DNAJC16: variants seen among roughly 807,000 people sequenced by gnomAD.
DNAJC16 encodes the protein DnaJ heat shock protein family (Hsp40) member C16, also known as dnaJ homolog subfamily C member 16.
DNAJC16 carries 76 observed loss-of-function variants against 92.7 expected under a neutral mutation model. The observed-to-expected ratio is 0.82, with a 90% CI of 0.68 to 0.99. The LOEUF is 0.99. Among genes scored for constraint, DNAJC16 ranks in the 50% least tolerant of loss-of-function variants. The probability of loss-of-function intolerance (pLI) is 0.00; values close to 1 mark genes in which losing one functional copy is unlikely to be tolerated. For synonymous variants in DNAJC16, 328 were observed against 358.7 expected, an observed-to-expected ratio of 0.91 and a Z score of 0.97; for missense variants, 869 against 942.4, an observed-to-expected ratio of 0.92 and a Z score of 1.02.
At chr1:15,527,556 A>G (rs1710547321) in intron 1 of DNAJC16, among the ~76,000 whole-genome samples, 1 of 152,226 alleles carries the variant, frequency 6.6e-6, no homozygotes, top group South Asian at 2.1e-4. Flanking sequence ...TGCCCAAGGT[A>G]ATAAAGTAGT....
intron 1 of DNAJC16, among the ~76,000 whole-genome samples, chr1:15,527,504 T>G (rs1557564848): frequency 1.3e-5 from 2 of 152,208 alleles, no homozygotes; most frequent in African/African-American, 4.8e-5. Context: ...TCATTCCCAT[T>G]TTATGAATAA....
intron 2 of DNAJC16, among the ~76,000 whole-genome samples, chr1:15,532,947 A>C (rs973743731): frequency 2.1e-4 from 32 of 152,208 alleles, no homozygotes; most frequent in African/African-American, 7.7e-4. Context: ...TAAATCCATT[A>C]AGTTGTAGAT....
chr1:15,553,827 T>C (rs1638507405), intron 7 of DNAJC16, among the ~76,000 whole-genome samples: 2 of 152,190 alleles, frequency 1.3e-5, no homozygotes, highest in African/African-American at 2.4e-5. Context: ...GTAGTGTATA[T>C]ATCTTGTATC....
At chr1:15,539,803 A>G (rs1251312436) in intron 4 of DNAJC16, among the ~76,000 whole-genome samples, 1 of 151,956 alleles carries the variant, frequency 6.6e-6, no homozygotes, top group Non-Finnish European at 1.5e-5. Flanking sequence ...TGAGGTGCAC[A>G]GATCACTTGA....
At position 15,567,934 on chromosome 1, in the gene DNAJC16, T is replaced by C; in HGVS notation, c.2106T>C (p.Asn702=). 6.2e-7 allele frequency: 1 copy of C among 1,614,224 alleles called. No individual in the cohort carries two copies. Among genetic ancestry groups the C allele is most frequent in the African/African-American group, 1.3e-5 (1 of 75,056 alleles). Residue 702 remains asparagine (N), a synonymous_variant, in exon 15 of 15, where the codon AAT becomes AAC. Transcript: ENST00000375847. ...ACACTGGTTATGTACTGGCTCTGAA[T>C]GGCCACAAGAAATACTTCTGCCTCT... ...RDYTGYVLAL[N]GHKKYFCLFK...
chr1:15,562,743 A>G (rs867636558), intron 9 of DNAJC16, among the ~76,000 whole-genome samples: 1 of 151,534 alleles, frequency 6.6e-6, no homozygotes, highest in Non-Finnish European at 1.5e-5. Context: ...CCGCCTCCCA[A>G]AGTGCTGGGA....
chr1:15,543,318 T>G (rs1317669713), intron 4 of DNAJC16, among the ~76,000 whole-genome samples: 1 of 152,092 alleles, frequency 6.6e-6, no homozygotes, highest in Non-Finnish European at 1.5e-5. Flanking sequence ...GGACTTGAAG[T>G]TGGTAAAGAA....
chr1:15,529,414 C>A, intron 2 of DNAJC16, 142 bp downstream of exon 2: 3 of 823,286 alleles, frequency 3.6e-6, no homozygotes, highest in Non-Finnish European at 5.1e-6. Flanking sequence ...CGCAGGAGAG[C>A]TAATGTTCAT....
At position 15,567,191 on chromosome 1, in the gene DNAJC16, ATG is replaced by A. The variant is rs755602253; in HGVS notation, c.1874_1875del (p.Val625GlyfsTer38). Reference sequence around the variant, plus strand: ...GTACGTCTGAGGCCAGGCCACATGAATGTGGTCCTCATCCTGTCGAATTCTAC... The same window carrying A: ...GTACGTCTGAGGCCAGGCCACATGAATGGTCCTCATCCTGTCGAATTCTAC... On this transcript the variant is annotated frameshift_variant, in exon 14 of 15. Transcript: ENST00000375847. LOFTEE classifies it high-confidence loss of function. 6.2e-7 allele frequency: 1 copy of A among 1,614,178 alleles called. No homozygotes were observed. The highest frequency in any genetic ancestry group is 8.5e-7 in the Non-Finnish European group (1 of 1,180,008).
chr1:15,546,719 A>G lies in DNAJC16; in HGVS notation c.760-48A>G, dbSNP rs915856536. ...TTTCTCCTGACTGGAGTATAATACA[A>G]TTGTTAAGAATTAAATATTGAGACT... On this transcript the variant is annotated intron_variant, in intron 5 of 14. Coordinates refer to ENST00000375847, the MANE Select transcript of DNAJC16 (RefSeq NM_015291.4). 8 of 1,439,990 alleles carry G rather than the reference A, an allele frequency of 5.6e-6. No individual in the cohort carries two copies. In the African/African-American group the frequency reaches 9.9e-5, roughly 18 times the overall value. 89.2% of individuals were successfully genotyped at this position (1,439,990 alleles called of 1,614,324 possible).
In DNAJC16 at chr1:15,564,308, C is replaced by G. The variant is rs1239156566; in HGVS notation, c.1547C>G (p.Ser516Cys). 6.2e-7 allele frequency: 1 copy of G among 1,610,748 alleles called. No homozygotes were observed. Among genetic ancestry groups the G allele is most frequent in the Admixed American group, 1.7e-5 (1 of 60,024 alleles). ...GTTTTTCTCCTTCGATGGTTCTACTCTGCTTCTGACTACATCTCAGACTGC... is the reference window on the plus strand; with the variant it reads ...GTTTTTCTCCTTCGATGGTTCTACTGTGCTTCTGACTACATCTCAGACTGC... ...APVFLLRWFYSASDYISDCWD... is the reference protein window; with the variant it reads ...APVFLLRWFYCASDYISDCWD... Residue 516 changes from serine (S) to cysteine (C), a missense_variant, in exon 11 of 15, where the codon TCT becomes TGT. Transcript: ENST00000375847.
chr1:15,534,765 T>G (rs1191005570), intron 3 of DNAJC16, among the ~76,000 whole-genome samples: 1 of 152,126 alleles, frequency 6.6e-6, no homozygotes, highest in Non-Finnish European at 1.5e-5. Flanking sequence ...TCCAGTATAT[T>G]GGAACAAGTG....
chr1:15,564,272 T>A lies in DNAJC16; in HGVS notation c.1522-11T>A. The A allele has an allele frequency of 6.3e-7, 1 of 1,591,706 alleles. No individual in the cohort carries two copies. Among genetic ancestry groups the A allele is most frequent in the South Asian group, 1.1e-5 (1 of 90,602 alleles). On this transcript the variant is annotated splice_polypyrimidine_tract_variant and intron_variant, in intron 10 of 14. Coordinates refer to ENST00000375847, the MANE Select transcript of DNAJC16 (RefSeq NM_015291.4). The stretch of plus-strand genomic sequence containing the variant: ...TTAGTCCTGACCATCATCCATTTTC[T>A]CTCTACATAGGTTTTTCTCCTTCGA...
intron 9 of DNAJC16, among the ~76,000 whole-genome samples, chr1:15,562,952 T>C (rs552868061): frequency 6.7e-6 from 1 of 149,708 alleles, no homozygotes; most frequent in East Asian, 1.9e-4. Context: ...AGATCCTAGA[T>C]TTTACAAATC....
chr1:15,557,851 A>G (rs1415416893), intron 7 of DNAJC16, among the ~76,000 whole-genome samples: 1 of 151,188 alleles, frequency 6.6e-6, no homozygotes, highest in African/African-American at 2.4e-5. Flanking sequence ...TCACCCTTCA[A>G]CCTCCCAAGT....
At chr1:15,553,861 T>C (rs1389319724) in intron 7 of DNAJC16, among the ~76,000 whole-genome samples, 2 of 152,188 alleles carry the variant, frequency 1.3e-5, no homozygotes. Flanking sequence ...CTTATGTTTT[T>C]GAGATTCATA....
intron 11 of DNAJC16, 103 bp downstream of exon 11, chr1:15,564,462 G>A (rs564753258): frequency 2.5e-6 from 2 of 794,506 alleles, no homozygotes; most frequent in South Asian, 1.4e-5. Flanking sequence ...AGGTACACTT[G>A]ATGGGGCAAG....
rs144974415 is a variant in DNAJC16, at chr1:15,559,448, G to T, written c.1024-78G>T. 2.2e-4 allele frequency: 354 copies of T among 1,578,884 alleles called. 1 individual carries two copies. The African/African-American group carries it at 3.3e-3, about 15-fold the overall frequency. On this transcript the variant is annotated intron_variant, in intron 7 of 14. Coordinates refer to ENST00000375847, the MANE Select transcript of DNAJC16 (RefSeq NM_015291.4). ...CCAAGGTCAGCTACGTTTTTATTAA[G>T]CTGGTAAGTAAAGAAAGCCCATCTA... is the stretch of plus-strand genomic sequence containing the variant.
chr1:15,536,185 T>C (rs1345174330), intron 3 of DNAJC16, among the ~76,000 whole-genome samples: 1 of 147,944 alleles, frequency 6.8e-6, no homozygotes, highest in Non-Finnish European at 1.5e-5. Flanking sequence ...GCAATTCTCC[T>C]ACCTCAGCCT....
Sources: gnomAD v4.1 joint callset for allele counts (sites outside exome capture counted in the v4.1 genomes callset) on GRCh38, gnomAD v4.1.1 for gene constraint, MANE v1.5 for transcripts, NCBI Gene and HGNC (gene_info 2026-07-23, HGNC 2026-07-21) for gene names.